Variants in TCF24 observed in about 807,000 individuals in gnomAD.
TCF24 encodes the protein transcription factor 24.
In TCF24, 5 loss-of-function variants were observed where a neutral mutation model predicts 9.3. That is an observed-to-expected ratio of 0.54 (90% confidence interval 0.28 to 1.13). The LOEUF is 1.13. Ranked by LOEUF, TCF24 falls within the 50% of genes most tolerant of loss-of-function variation. The probability of loss-of-function intolerance (pLI) is 0.09; values close to 1 mark genes in which losing one functional copy is unlikely to be tolerated. For synonymous variants in TCF24, 110 were observed against 115.8 expected (o/e 0.95, Z 0.32); for missense variants, 220 against 236.1 (o/e 0.93, Z 0.45).
intron 3 of TCF24, among the ~76,000 whole-genome samples, chr8:66,959,443 T>C (rs1242244484): frequency 6.6e-6 from 1 of 152,256 alleles, no homozygotes; most frequent in African/African-American, 2.4e-5. Context: ...AACATTTTGG[T>C]AGTGTCTGTA....
At chr8:66,954,567 C>A (rs1050425912) in intron 3 of TCF24, among the ~76,000 whole-genome samples, 3 of 152,224 alleles carry the variant, frequency 2.0e-5, no homozygotes, top group African/African-American at 7.2e-5. Flanking sequence ...GCCCTGCCCC[C>A]AGAGGTGGAG....
rs1046271178 is a variant in TCF24, at chr8:66,959,737, A to G, written c.390+1639T>C. ...ATGCTTGATTTTAGTCACTTGTTCA[A>G]GCAACATTAATTTCATTTAAAAAAA... On this transcript the variant is annotated intron_variant, in intron 3 of 3. Transcript: ENST00000563496. 2.3e-4 allele frequency among the ~76,000 whole-genome samples: 35 copies of G among 152,380 alleles called. 1 individual carries two copies. The highest frequency in any genetic ancestry group is 6.5e-4 in the African/African-American group (27 of 41,602).
chr8:66,958,591 A>G (rs1164367851), intron 3 of TCF24, among the ~76,000 whole-genome samples: 1 of 152,072 alleles, frequency 6.6e-6, no homozygotes, highest in African/African-American at 2.4e-5. Flanking sequence ...AACATGGGAG[A>G]CGGAGGTTGC....
rs1245125463 is a variant in TCF24 at position 66,948,141 on chromosome 8, C to T, written c.414G>A (p.Leu138=). ...GAAACTGACCAGTAGCACCGATGTACAATCTTGATCGCATGGGCCATTTCT... is the reference window on the plus strand; with the variant it reads ...GAAACTGACCAGTAGCACCGATGTATAATCTTGATCGCATGGGCCATTTCT... ...PVKKWPMRSR[L]YIGATGQFLK... Residue 138 remains leucine (L), a synonymous_variant, in exon 4 of 4, where the codon TTG becomes TTA. Transcript: ENST00000563496. The T allele has an allele frequency of 1.3e-6, 2 of 1,532,252 alleles. No homozygotes were observed. Among genetic ancestry groups the T allele is most frequent in the Non-Finnish European group, 1.7e-6 (2 of 1,146,044 alleles). 94.9% of individuals were successfully genotyped at this position (1,532,252 alleles called of 1,614,324 possible).
chr8:66,948,974 G>C (rs971598380), intron 3 of TCF24, among the ~76,000 whole-genome samples: 19 of 152,110 alleles, frequency 1.2e-4, no homozygotes, highest in Admixed American at 3.9e-4. Flanking sequence ...GGGATTACAG[G>C]CGTGAGCTAA....
At chr8:66,949,218 A>C (rs1039715105) in intron 3 of TCF24, among the ~76,000 whole-genome samples, 1 of 151,896 alleles carries the variant, frequency 6.6e-6, no homozygotes, top group Non-Finnish European at 1.5e-5. Context: ...CTCGTCATCT[A>C]GCATTAGGTA....
At chr8:66,955,175 T>C (rs2130900201) in intron 3 of TCF24, 1 of 152,340 alleles carries the variant, frequency 6.6e-6, no homozygotes, top group African/African-American at 2.4e-5. Context: ...TTACTGATGG[T>C]GATTTTTCTA....
chr8:66,957,585 A>G (rs542516130), intron 3 of TCF24, among the ~76,000 whole-genome samples: 2 of 152,108 alleles, frequency 1.3e-5, no homozygotes, highest in Non-Finnish European at 2.9e-5. Flanking sequence ...CTGTGGGAAA[A>G]TAAATTTCTG....
At position 66,947,346 on chromosome 8, in the gene TCF24, G is replaced by C. The variant is rs1813980080; in HGVS notation, c.*705C>G. ...AAAATAAAAGAATTAGCCAGGTGTG[G>C]TGACATGCACCTACATTGTGAACTC... is the stretch of plus-strand genomic sequence containing the variant. On this transcript the variant is annotated 3_prime_UTR_variant, in exon 4 of 4. Transcript: ENST00000563496. 1 of 152,186 alleles carries C rather than the reference G, an allele frequency of 6.6e-6. No individual in the cohort carries two copies. The highest frequency in any genetic ancestry group is 1.5e-5 in the Non-Finnish European group (1 of 68,070). The allele number at this position is 152,186 out of a possible 1,614,324, so 9.4% of individuals were successfully genotyped here.
chr8:66,956,294 T>C (rs904305478), intron 3 of TCF24, among the ~76,000 whole-genome samples: 1 of 152,116 alleles, frequency 6.6e-6, no homozygotes, highest in Admixed American at 6.5e-5. Context: ...TGCATTCCTA[T>C]ACATTCTAGG....
intron 1 of TCF24, 36 bp downstream of exon 1, chr8:66,962,293 G>A (rs947508136): frequency 2.6e-5 from 4 of 152,406 alleles, no homozygotes; most frequent in Admixed American, 6.5e-5. Flanking sequence ...TTCCGAGCCC[G>A]AGAGCTGCGC....
chr8:66,958,066 ATT>A (rs1302970694), intron 3 of TCF24, among the ~76,000 whole-genome samples: 2 of 152,142 alleles, frequency 1.3e-5, no homozygotes, highest in African/African-American at 4.8e-5. Context: ...TAAAATAAAT[ATT>A]CTTTTTTAAG....
chr8:66,957,895 TAAAAAAAA>T (rs11299517), intron 3 of TCF24, among the ~76,000 whole-genome samples: 2 of 43,036 alleles, frequency 4.6e-5, no homozygotes, highest in African/African-American at 1.7e-4. Context: ...TAAGAATTGC[TAAAAAAAA>T]AAAAAAAAAA....
chr8:66,961,690 C>A lies in TCF24; in HGVS notation c.76G>T (p.Asp26Tyr), dbSNP rs866013728. ...EPAPLAAAIR[D>Y]SRPGRTGPGP... ...GGCCCGGTCCGCCCGGGACGCGAGT[C>A]GCGGATGGCGGCGGCCAGGGGCGCG... The change falls in exon 3 of 4, where the codon GAC becomes TAC. Residue 26 changes from aspartate to tyrosine, a missense_variant. By Grantham distance (160) the Asp-to-Tyr change is radical (BLOSUM62 -3). Transcript: ENST00000563496. 24 of 1,095,544 alleles carry A rather than the reference C, an allele frequency of 2.2e-5. No homozygotes were observed. Among genetic ancestry groups the A allele is most frequent in the Middle Eastern group, 3.9e-4 (1 of 2,538 alleles). The allele number at this position is 1,095,544 out of a possible 1,614,324, so 67.9% of individuals were successfully genotyped here.
intron 3 of TCF24, among the ~76,000 whole-genome samples, chr8:66,951,688 C>A (rs557908758): frequency 1.3e-5 from 2 of 152,272 alleles, no homozygotes; most frequent in South Asian, 4.1e-4. Flanking sequence ...CCTCCTTGTA[C>A]CTCTGGTAGA....
At position 66,956,863 on chromosome 8, in the gene TCF24, G is replaced by C. The variant is rs77056025; in HGVS notation, c.390+4513C>G. Among the ~76,000 whole-genome samples the C allele has an allele frequency of 6.5e-3, 982 of 152,098 alleles. 7 individuals carry two copies. Among genetic ancestry groups the C allele is most frequent in the African/African-American group, 0.023 (943 of 41,476 alleles). On this transcript the variant is annotated intron_variant, in intron 3 of 3. Transcript: ENST00000563496. ...GGATTTAAAGACCAGGCCTTTGGGA[G>C]GTAAAAAGAGTTAGATTAGCTCATG...
intron 3 of TCF24, among the ~76,000 whole-genome samples, chr8:66,950,248 T>A (rs1417300697): frequency 1.3e-5 from 2 of 150,956 alleles, no homozygotes. Flanking sequence ...AGGTCTAACG[T>A]TTAAGTCTTT....
At chr8:66,953,257 C>T (rs370609984) in intron 3 of TCF24, among the ~76,000 whole-genome samples, 4 of 151,728 alleles carry the variant, frequency 2.6e-5, no homozygotes, top group African/African-American at 9.7e-5. Flanking sequence ...CCATGTTTAG[C>T]GCTTCCTTCA....
chr8:66,958,304 C>A (rs2130901828), intron 3 of TCF24, among the ~76,000 whole-genome samples: 1 of 152,274 alleles, frequency 6.6e-6, no homozygotes, highest in South Asian at 2.1e-4. Context: ...GCTCTACTTT[C>A]CCTCATAGGG....
Sources: allele counts gnomAD v4.1 joint callset (sites outside exome capture counted in the v4.1 genomes callset), GRCh38; gene constraint gnomAD v4.1.1; transcripts MANE v1.5; gene names NCBI Gene and HGNC (gene_info 2026-07-23, HGNC 2026-07-21).